AFF3: variants seen among roughly 807,000 people sequenced by gnomAD.
The protein encoded by AFF3 is AF4/FMR2 family member 3.
In AFF3, 32 loss-of-function variants were observed where a neutral mutation model predicts 129.7. That is an observed-to-expected ratio of 0.25 (90% CI 0.19 to 0.33). The LOEUF is 0.33. AFF3 is among the 10% of genes least tolerant of loss of function. The pLI is 1.00. For missense variants in AFF3, 1,373 were observed against 1,592.0 expected (o/e 0.86, Z 2.34); for synonymous variants, 644 against 635.4 (o/e 1.01, Z -0.20).
chr2:99,589,022 C>T (rs115948162), intron 15 of AFF3, among the ~76,000 whole-genome samples: 2,407 of 152,272 alleles, frequency 0.016, 58 homozygotes, highest in African/African-American at 0.056. Context: ...CAGAATATTA[C>T]GGAATTTTAT....
intron 8 of AFF3, among the ~76,000 whole-genome samples, chr2:99,797,430 C>T (rs1004134642): frequency 6.6e-6 from 1 of 151,986 alleles, no homozygotes; most frequent in Admixed American, 6.6e-5. Flanking sequence ...AAGTAAACTG[C>T]AGAATGACTT....
intron 11 of AFF3, among the ~76,000 whole-genome samples, chr2:99,720,071 A>G (rs780828152): frequency 5.9e-5 from 9 of 152,170 alleles, no homozygotes; most frequent in Non-Finnish European, 8.8e-5. Flanking sequence ...ACAAATAAAT[A>G]AAGTACGTAT....
chr2:99,585,572 G>C (rs1404722686), intron 16 of AFF3, among the ~76,000 whole-genome samples: 2 of 152,170 alleles, frequency 1.3e-5, no homozygotes. Flanking sequence ...AACTTGAATA[G>C]AGAAGTGACC....
chr2:100,115,923 A>G (rs971865579), intron 2 of AFF3, among the ~76,000 whole-genome samples: 5 of 152,206 alleles, frequency 3.3e-5, no homozygotes, highest in Admixed American at 1.3e-4. Flanking sequence ...TGTTGTTCCT[A>G]TGAGATGTTT....
intron 4 of AFF3, among the ~76,000 whole-genome samples, chr2:100,015,595 T>C (rs566008963): frequency 6.6e-6 from 1 of 152,210 alleles, no homozygotes; most frequent in African/African-American, 2.4e-5. Flanking sequence ...TTGTTATTTA[T>C]AAAGCAAATG....
At position 99,744,135 on chromosome 2, in the gene AFF3, A is replaced by C. The variant is rs960026092; in HGVS notation, c.1008T>G (p.Ser336=). 6.3e-5 allele frequency: 101 copies of C among 1,606,162 alleles called. No individual in the cohort carries two copies. The highest frequency in any genetic ancestry group is 8.4e-5 in the Non-Finnish European group (99 of 1,176,490). The stretch of plus-strand genomic sequence containing the variant: ...TATTGTGTCCAGAGGATACAAGCTG[A>C]GAGTCCTGAAAGAACAAGAAATATC... ...PTKFPFPNKD[S]QLVSSGHNNP... Residue 336 remains serine, a synonymous_variant, in exon 10 of 25, where the codon TCT becomes TCG. Transcript: ENST00000672756.
intron 8 of AFF3, among the ~76,000 whole-genome samples, chr2:99,786,252 T>C (rs983129687): frequency 1.3e-5 from 2 of 152,166 alleles, no homozygotes; most frequent in South Asian, 2.1e-4. Context: ...AGTTTCCTCA[T>C]CTGTAAATGG....
intron 16 of AFF3, 86 bp from the exon 17 acceptor site, chr2:99,583,085 T>A: frequency 3.4e-6 from 4 of 1,186,816 alleles, no homozygotes; most frequent in Non-Finnish European, 4.9e-6. Context: ...ACCACCCAAC[T>A]GGGACCTGTT....
intron 7 of AFF3, among the ~76,000 whole-genome samples, chr2:99,970,852 C>T (rs922404330): frequency 2.0e-5 from 3 of 152,224 alleles, no homozygotes; most frequent in Admixed American, 6.5e-5. Flanking sequence ...GCTCTACCTC[C>T]CGGGCTTCCT....
rs1054028721 is a variant in AFF3, at chr2:99,577,489, T to G, written c.2918+838A>C. On this transcript the variant is annotated intron_variant, in intron 18 of 24. Transcript: ENST00000672756. Reference sequence around the variant, plus strand: ...GTCCAGTGGGGTTAGTGGTTTGTAGTCTGCTCCTCAGCTGGACTGGAAGCC... The same window carrying G: ...GTCCAGTGGGGTTAGTGGTTTGTAGGCTGCTCCTCAGCTGGACTGGAAGCC... Among the ~76,000 whole-genome samples the G allele has an allele frequency of 3.9e-5, 6 of 152,276 alleles. No homozygotes were observed. In the East Asian group the frequency reaches 1.2e-3, roughly 29 times the overall value.
rs1674072770 is a variant in AFF3, at chr2:99,546,333, C to G, written c.*5141G>C. 1 of 232,758 alleles carries G rather than the reference C, an allele frequency of 4.3e-6. No individual in the cohort carries two copies. Among genetic ancestry groups the G allele is most frequent in the South Asian group, 1.8e-4 (1 of 5,520 alleles). The allele number at this position is 232,758 out of a possible 1,614,324, so 14.4% of individuals were successfully genotyped here. A position where few individuals can be genotyped will look rare whatever the true frequency, so the allele number is the denominator to read the frequency against. On this transcript the variant is annotated 3_prime_UTR_variant, in exon 25 of 25. Coordinates refer to ENST00000672756, the MANE Select transcript of AFF3 (RefSeq NM_001386135.1). Reference sequence around the variant, plus strand: ...AAGCAAAGCCAAGTTCCTGTCCCACCCATCTCTGGGATGAGGAGTTCTCCA... The same window carrying G: ...AAGCAAAGCCAAGTTCCTGTCCCACGCATCTCTGGGATGAGGAGTTCTCCA...
intron 11 of AFF3, among the ~76,000 whole-genome samples, chr2:99,678,622 G>T (rs567904007): frequency 6.6e-6 from 1 of 152,240 alleles, no homozygotes; most frequent in African/African-American, 2.4e-5. Context: ...TTTTAATTGG[G>T]CTGTTTGATT....
chr2:99,559,081 A>G (rs1466967404), intron 21 of AFF3, 113 bp from the exon 22 acceptor site: 3 of 877,662 alleles, frequency 3.4e-6, no homozygotes, highest in Non-Finnish European at 1.8e-6. Flanking sequence ...CCTTGTTTCT[A>G]CATAGGAAAT....
At chr2:99,669,499 G>A (rs1174144207) in intron 12 of AFF3, among the ~76,000 whole-genome samples, 1 of 152,124 alleles carries the variant, frequency 6.6e-6, no homozygotes, top group East Asian at 1.9e-4. Flanking sequence ...GATACAAAGT[G>A]CAAAAATAAG....
intron 2 of AFF3, among the ~76,000 whole-genome samples, chr2:100,123,179 C>A (rs991902173): frequency 6.6e-6 from 1 of 152,188 alleles, no homozygotes; most frequent in Non-Finnish European, 1.5e-5. Flanking sequence ...TTTGGCTTGG[C>A]CAACCCAGGG....
intron 7 of AFF3, among the ~76,000 whole-genome samples, chr2:100,000,409 C>T (rs1468808816): frequency 1.3e-5 from 2 of 152,144 alleles, no homozygotes; most frequent in Admixed American, 6.5e-5. Context: ...ACGCTCACTA[C>T]TCAGGATTTG....
At chr2:99,634,055 C>T (rs1017913667) in intron 13 of AFF3, among the ~76,000 whole-genome samples, 1 of 151,898 alleles carries the variant, frequency 6.6e-6, no homozygotes, top group South Asian at 2.1e-4. Flanking sequence ...GCTGGGATTA[C>T]AGGCATGTGC....
chr2:100,136,636 G>A (rs892180303), intron 1 of AFF3, among the ~76,000 whole-genome samples: 7 of 152,090 alleles, frequency 4.6e-5, no homozygotes, highest in African/African-American at 9.7e-5. Context: ...CTATGTGACC[G>A]CTGAAGCTTT....
chr2:99,862,749 T>C (rs1691087858), intron 7 of AFF3, among the ~76,000 whole-genome samples: 1 of 152,278 alleles, frequency 6.6e-6, no homozygotes, highest in South Asian at 2.1e-4. Context: ...CATCACGAAG[T>C]GGACCGAATG....
Sources: allele counts gnomAD v4.1 joint callset (sites outside exome capture counted in the v4.1 genomes callset), GRCh38; gene constraint gnomAD v4.1.1; transcripts MANE v1.5; gene names NCBI Gene and HGNC (gene_info 2026-07-23, HGNC 2026-07-21).